Variants in AGO2 observed in about 807,000 individuals in gnomAD.
The protein encoded by AGO2 is argonaute RISC catalytic component 2.
Under a neutral mutation model 102.3 loss-of-function variants are expected in AGO2, and 5 were observed. The observed-to-expected ratio is 0.05, with a 90% confidence interval of 0.03 to 0.10. AGO2 has a LOEUF of 0.10. Ranked by LOEUF, AGO2 falls within the 10% of genes least tolerant of loss-of-function variation. The pLI is 1.00. For missense variants in AGO2, 541 were observed against 1,183.7 expected, an observed-to-expected ratio of 0.46 and a Z score of 7.97; for synonymous variants, 449 against 473.1, an observed-to-expected ratio of 0.95 and a Z score of 0.66.
chr8:140,614,887 A>T (rs1264427467), intron 1 of AGO2, among the ~76,000 whole-genome samples: 1 of 152,090 alleles, frequency 6.6e-6, no homozygotes, highest in East Asian at 1.9e-4. Flanking sequence ...AGTCATGAGA[A>T]CTCACTCTAA....
intron 1 of AGO2, among the ~76,000 whole-genome samples, chr8:140,634,848 A>G (rs2074383863): frequency 6.6e-6 from 1 of 152,124 alleles, no homozygotes; most frequent in South Asian, 2.1e-4. Context: ...ATTGGCCAAA[A>G]TTCAGCATTT....
At chr8:140,555,069 TA>T (rs1346315788) in intron 10 of AGO2, among the ~76,000 whole-genome samples, 1 of 152,150 alleles carries the variant, frequency 6.6e-6, no homozygotes, top group Non-Finnish European at 1.5e-5. Flanking sequence ...AGGATGAGAA[TA>T]AAATTCCATT....
chr8:140,628,494 C>A (rs911460035), intron 1 of AGO2, among the ~76,000 whole-genome samples: 1 of 152,242 alleles, frequency 6.6e-6, no homozygotes, highest in African/African-American at 2.4e-5. Flanking sequence ...TTAAGCAGCA[C>A]AGATGCTTCT....
intron 2 of AGO2, among the ~76,000 whole-genome samples, chr8:140,578,926 T>C (rs1241016259): frequency 6.6e-6 from 1 of 152,262 alleles, no homozygotes; most frequent in African/African-American, 2.4e-5. Flanking sequence ...AGAGGTTCCC[T>C]CTTTTACAAA....
chr8:140,539,948 G>A lies in AGO2; in HGVS notation c.2035-494C>T, dbSNP rs113394639. Among the ~76,000 whole-genome samples, 272 of 152,254 alleles carry A rather than the reference G, an allele frequency of 1.8e-3. 1 individual carries two copies. The highest frequency in any genetic ancestry group is 2.5e-3 in the Non-Finnish European group (167 of 68,018). The stretch of plus-strand genomic sequence containing the variant: ...CTAAAAATACAAAAATTAACTGGGC[G>A]TGGTGGTGGGCACCTGTCGTAATCC... On this transcript the variant is annotated intron_variant, in intron 15 of 18. Transcript: ENST00000220592. This position sits in a 1 kb window ranked among gnomAD's most constrained non-coding sequence, Gnocchi z 4.7.
intron 1 of AGO2, among the ~76,000 whole-genome samples, chr8:140,600,578 G>A (rs557876277): frequency 1.6e-3 from 248 of 152,252 alleles, no homozygotes; most frequent in Non-Finnish European, 2.9e-3. Context: ...TACTTGGGAG[G>A]CTGAGGCAGG....
In AGO2 at chr8:140,598,860, G is replaced by A. The variant is rs114497580; in HGVS notation, c.23-13549C>T. Among the ~76,000 whole-genome samples, 823 of 152,278 alleles carry A rather than the reference G, an allele frequency of 5.4e-3. 7 individuals are homozygous for A. The highest frequency in any genetic ancestry group is 0.019 in the African/African-American group (802 of 41,528). The stretch of plus-strand genomic sequence containing the variant: ...CCCAAACCCAGACACCTCCTTGCAG[G>A]ACTCATGGCTACCGTGGGCTCGCAC... On this transcript the variant is annotated intron_variant, in intron 1 of 18. Coordinates refer to ENST00000220592, the MANE Select transcript of AGO2 (RefSeq NM_012154.5).
intron 14 of AGO2, 112 bp downstream of exon 14, chr8:140,544,101 G>C (rs1187312227): frequency 2.2e-5 from 26 of 1,204,832 alleles, no homozygotes; most frequent in African/African-American, 3.2e-5. Flanking sequence ...CCGCAGCTTA[G>C]TGAGACCCCA....
intron 1 of AGO2, among the ~76,000 whole-genome samples, chr8:140,616,590 T>C (rs2152104486): frequency 6.6e-6 from 1 of 152,330 alleles, no homozygotes; most frequent in East Asian, 1.9e-4. Flanking sequence ...TATTAGCACA[T>C]GGGTATTATT....
At chr8:140,570,752 G>T (rs1290944935) in intron 3 of AGO2, among the ~76,000 whole-genome samples, 2 of 152,164 alleles carry the variant, frequency 1.3e-5, no homozygotes, top group Non-Finnish European at 2.9e-5. Context: ...GGCCAGTTGA[G>T]GTGCCCCAGG....
intron 3 of AGO2, among the ~76,000 whole-genome samples, chr8:140,564,543 G>C (rs4607585): frequency 6.6e-6 from 1 of 152,232 alleles, no homozygotes; most frequent in Non-Finnish European, 1.5e-5. Flanking sequence ...CATGAAGACA[G>C]AGGGGATCCT....
chr8:140,539,344 G>A lies in AGO2; in HGVS notation c.2145C>T (p.Leu715=), dbSNP rs1161324714. The A allele has an allele frequency of 7.4e-6, 12 of 1,613,028 alleles. No homozygotes were observed. The highest frequency in any genetic ancestry group is 9.3e-6 in the Non-Finnish European group (11 of 1,179,510). ...IVVQKRHHTR[L]FCTDKNERVG... ...CCCGCTCGTTCTTGTCAGTGCAGAA[G>A]AGCCGGGTGTGGTGCCTCTTCTGCA... Residue 715 remains leucine (L), a synonymous_variant, in exon 16 of 19, where the codon CTC becomes CTT. Transcript: ENST00000220592. The surrounding 1 kb of genome is among the most constrained non-coding windows in gnomAD (Gnocchi z 4.7).
At chr8:140,609,819 C>T (rs1229638318) in intron 1 of AGO2, among the ~76,000 whole-genome samples, 1 of 151,930 alleles carries the variant, frequency 6.6e-6, no homozygotes, top group Admixed American at 6.6e-5. Flanking sequence ...CACGGGGGCT[C>T]ACACCTGTAA....
intron 3 of AGO2, among the ~76,000 whole-genome samples, chr8:140,569,748 C>T (rs1588466652): frequency 2.0e-5 from 3 of 152,304 alleles, no homozygotes; most frequent in East Asian, 1.9e-4. Flanking sequence ...TGAGGCTGGG[C>T]GGTCCCAGCG....
chr8:140,533,041 G>A (rs2072627228), intron 17 of AGO2, among the ~76,000 whole-genome samples: 1 of 149,698 alleles, frequency 6.7e-6, no homozygotes, highest in South Asian at 2.1e-4. Flanking sequence ...ATAGTAAATG[G>A]CCCCATATTT....
intron 17 of AGO2, among the ~76,000 whole-genome samples, chr8:140,534,501 C>T (rs940028844): frequency 5.9e-5 from 9 of 152,238 alleles, no homozygotes; most frequent in South Asian, 2.1e-4. Context: ...CGCACTCCAT[C>T]GCCTGCTTCT....
At chr8:140,553,603 T>C (rs2073043551) in intron 10 of AGO2, among the ~76,000 whole-genome samples, 1 of 151,304 alleles carries the variant, frequency 6.6e-6, no homozygotes, top group African/African-American at 2.4e-5. Context: ...GAGACGGGAT[T>C]TCTCCATGTT....
At chr8:140,577,692 G>C (rs1051686603) in intron 2 of AGO2, among the ~76,000 whole-genome samples, 2 of 152,160 alleles carry the variant, frequency 1.3e-5, no homozygotes, top group East Asian at 3.8e-4. Context: ...CCCAGGGATG[G>C]GGGTGGCAGG....
Position 140,551,267 on chromosome 8 carries a change from C to A in AGO2, c.1403+36G>T, listed in dbSNP as rs770304043. On this transcript the variant is annotated intron_variant, in intron 11 of 18. Transcript: ENST00000220592. ...CACTTGAGCTGCCCATCGGGCAGCA[C>A]CCCCAGGCCGGAGCCTCTGCCTGTG... 4.1e-6 allele frequency: 6 copies of A among 1,471,016 alleles called. No homozygotes were observed. In the African/African-American group the frequency reaches 4.3e-5, roughly 10 times the overall value. 91.1% of individuals were successfully genotyped at this position (1,471,016 alleles called of 1,614,324 possible). A position where few individuals can be genotyped will look rare whatever the true frequency, so the allele number is the denominator to read the frequency against.
Sources: allele counts gnomAD v4.1 joint callset (sites outside exome capture counted in the v4.1 genomes callset), GRCh38; gene constraint gnomAD v4.1.1; non-coding constraint Gnocchi (gnomAD v3.1); transcripts MANE v1.5; gene names NCBI Gene and HGNC (gene_info 2026-07-23, HGNC 2026-07-21).